The following TMEM9 variants were observed in gnomAD, a reference collection of about 807,000 sequenced individuals.
The protein encoded by TMEM9 is transmembrane protein 9.
TMEM9 carries 13 observed loss-of-function variants against 22.8 expected under a neutral mutation model. That is an observed-to-expected ratio of 0.57 (90% CI 0.37 to 0.91). The LOEUF is 0.91. Ranked by LOEUF, TMEM9 falls within the 40% of genes least tolerant of loss-of-function variation. The pLI, the probability that TMEM9 is intolerant of heterozygous loss-of-function variation, is 0.01. For missense variants in TMEM9, 182 were observed against 238.1 expected, an observed-to-expected ratio of 0.76 and a Z score of 1.55; for synonymous variants, 88 against 93.0, an observed-to-expected ratio of 0.95 and a Z score of 0.31.
At position 201,135,761 on chromosome 1, in the gene TMEM9, T is replaced by C; in HGVS notation, c.454A>G (p.Thr152Ala). ...AASLGGPRAN[T>A]VLERVEGAQQ... is the part of the protein sequence containing the mutation. Reference sequence around the variant, plus strand: ...GCACCTTCCACACGCTCCAGGACTGTGTTTGCTCGGGGTCCCCCGAGGGAT... The same window carrying C: ...GCACCTTCCACACGCTCCAGGACTGCGTTTGCTCGGGGTCCCCCGAGGGAT... Residue 152 changes from threonine (T) to alanine (A), a missense_variant, in exon 5 of 5, where the codon ACA becomes GCA. By Grantham distance (58) the Thr-to-Ala change is moderately conservative. Coordinates refer to ENST00000367330, the MANE Select transcript of TMEM9 (RefSeq NM_001288565.2). The C allele has an allele frequency of 6.2e-7, 1 of 1,612,766 alleles. No individual in the cohort carries two copies. The highest frequency in any genetic ancestry group is 8.5e-7 in the Non-Finnish European group (1 of 1,179,394).
chr1:201,153,949 A>C lies in TMEM9; in HGVS notation c.-26T>G. On this transcript the variant is annotated 5_prime_UTR_variant, in exon 1 of 5. Coordinates refer to ENST00000367330, the MANE Select transcript of TMEM9 (RefSeq NM_001288565.2). ...GCTTATCAGGCTTGCTGGGCCAGCAAAGCCGGACACCTGGAAAAAGAGATA... is the reference window on the plus strand; with the variant it reads ...GCTTATCAGGCTTGCTGGGCCAGCACAGCCGGACACCTGGAAAAAGAGATA... 7 of 1,594,076 alleles carry C rather than the reference A, an allele frequency of 4.4e-6. No individual in the cohort carries two copies. Among genetic ancestry groups the C allele is most frequent in the Non-Finnish European group, 6.0e-6 (7 of 1,169,306 alleles).
chr1:201,163,984 C>T (rs539952454), intron 1 of TMEM9, among the ~76,000 whole-genome samples: 5 of 152,294 alleles, frequency 3.3e-5, no homozygotes, highest in Non-Finnish European at 5.9e-5. Context: ...ACTCAGATGT[C>T]CTATTATGGG....
upstream of TMEM9, among the ~76,000 whole-genome samples, chr1:201,158,171 G>C (rs1558119836): frequency 6.6e-6 from 1 of 152,156 alleles, no homozygotes; most frequent in Non-Finnish European, 1.5e-5. Flanking sequence ...TGCAGAAGCT[G>C]GTCAAGGCCA....
chr1:201,140,825 G>C (rs1664457803), intron 4 of TMEM9, among the ~76,000 whole-genome samples: 1 of 152,156 alleles, frequency 6.6e-6, no homozygotes, highest in Non-Finnish European at 1.5e-5. Context: ...TTCCTCTTGG[G>C]GTGAAACCCA....
intron 1 of TMEM9, among the ~76,000 whole-genome samples, chr1:201,163,525 G>A (rs1335280641): frequency 6.6e-6 from 1 of 151,978 alleles, no homozygotes; most frequent in African/African-American, 2.4e-5. Flanking sequence ...AGGAGGCAGA[G>A]GGTGCAGTGA....
intron 1 of TMEM9, among the ~76,000 whole-genome samples, chr1:201,163,459 G>A (rs182565732): frequency 4.0e-4 from 61 of 152,088 alleles, no homozygotes; most frequent in African/African-American, 1.2e-3. Flanking sequence ...GCATGGTGGC[G>A]TGTGCCTGTA....
chr1:201,153,354 A>G (rs1014740780), intron 1 of TMEM9, among the ~76,000 whole-genome samples: 9 of 152,242 alleles, frequency 5.9e-5, no homozygotes, highest in Admixed American at 5.9e-4. Flanking sequence ...CTGATGGTTC[A>G]GTGTAGATAA....
At chr1:201,144,849 T>C (rs1207595823) in intron 3 of TMEM9, 2 of 152,206 alleles carry the variant, frequency 1.3e-5, no homozygotes, top group African/African-American at 2.4e-5. Flanking sequence ...GGCTACCAGA[T>C]GGTGGAGGTG....
At chr1:201,149,383 T>C (rs1490231702) in intron 2 of TMEM9, among the ~76,000 whole-genome samples, 1 of 152,152 alleles carries the variant, frequency 6.6e-6, no homozygotes, top group Non-Finnish European at 1.5e-5. Flanking sequence ...CTTTTATGTT[T>C]TATAGATTTT....
chr1:201,144,780 C>G (rs1664824885), intron 3 of TMEM9: 1 of 152,178 alleles, frequency 6.6e-6, no homozygotes, highest in Non-Finnish European at 1.5e-5. Flanking sequence ...TAAATGCCCC[C>G]TGGGGGGGCT....
intron 4 of TMEM9, among the ~76,000 whole-genome samples, chr1:201,136,458 GT>G (rs1663996251): frequency 6.6e-6 from 1 of 152,168 alleles, no homozygotes; most frequent in East Asian, 1.9e-4. Flanking sequence ...TGGGATCTTA[GT>G]TTCCCTGGGA....
chr1:201,161,028 A>T (rs1665932143), intron 1 of TMEM9, among the ~76,000 whole-genome samples: 1 of 152,208 alleles, frequency 6.6e-6, no homozygotes. Flanking sequence ...CAGAAAATTT[A>T]AACATATTTA....
intron 2 of TMEM9, among the ~76,000 whole-genome samples, chr1:201,148,852 C>A (rs778823851): frequency 2.0e-5 from 3 of 152,206 alleles, no homozygotes; most frequent in Non-Finnish European, 4.4e-5. Context: ...CTGTTGTAAC[C>A]GGAAGTACTG....
chr1:201,140,934 G>A (rs1298654631), intron 4 of TMEM9, among the ~76,000 whole-genome samples: 1 of 152,078 alleles, frequency 6.6e-6, no homozygotes, highest in East Asian at 1.9e-4. Context: ...CACTGAGAGG[G>A]GCAGTAGATT....
Position 201,135,361 on chromosome 1 carries a change from G to A in TMEM9, c.*302C>T, listed in dbSNP as rs182587908. On this transcript the variant is annotated 3_prime_UTR_variant, in exon 5 of 5. Coordinates refer to ENST00000367330, the MANE Select transcript of TMEM9 (RefSeq NM_001288565.2). The stretch of plus-strand genomic sequence containing the variant: ...GAAGGCGGCAAGAGTGGAGCCAGGA[G>A]AGACAGATCGCATCCACTCCTGAGG... The A allele has an allele frequency of 9.2e-5, 23 of 250,762 alleles. No homozygotes were observed. The East Asian group carries it at 1.8e-3, about 19-fold the overall frequency. The allele number at this position is 250,762 out of a possible 1,614,324, so 15.5% of individuals were successfully genotyped here. A position where few individuals can be genotyped will look rare whatever the true frequency, so the allele number is the denominator to read the frequency against.
intron 1 of TMEM9, among the ~76,000 whole-genome samples, chr1:201,159,784 C>G (rs1050254734): frequency 2.0e-5 from 3 of 152,128 alleles, no homozygotes; most frequent in Non-Finnish European, 4.4e-5. Context: ...ATGACAAACT[C>G]TACCTGGTTT....
chr1:201,143,770 G>T, intron 4 of TMEM9, 50 bp downstream of exon 4: 1 of 1,602,322 alleles, frequency 6.2e-7, no homozygotes, highest in East Asian at 2.2e-5. Context: ...GTTTTGCCCT[G>T]GGGACGCACA....
intron 2 of TMEM9, among the ~76,000 whole-genome samples, chr1:201,149,759 A>C (rs1271823245): frequency 6.6e-6 from 1 of 152,142 alleles, no homozygotes; most frequent in Non-Finnish European, 1.5e-5. Context: ...AGACCAGAAG[A>C]CCCACTCAAA....
At chr1:201,145,486 C>G (rs555203308) in intron 3 of TMEM9, 3 of 152,584 alleles carry the variant, frequency 2.0e-5, no homozygotes, top group African/African-American at 7.2e-5. Context: ...GGAGCTACAG[C>G]ACAGGGCTCC....
Sources: gnomAD v4.1 joint callset for allele counts (sites outside exome capture counted in the v4.1 genomes callset) on GRCh38, gnomAD v4.1.1 for gene constraint, MANE v1.5 for transcripts, NCBI Gene and HGNC (gene_info 2026-07-23, HGNC 2026-07-21) for gene names.